Variants in TMEM229B observed in about 807,000 individuals in gnomAD.
TMEM229B encodes transmembrane protein 229B.
Under a neutral mutation model 13.7 loss-of-function variants are expected in TMEM229B, and 6 were observed. That is an observed-to-expected ratio of 0.44 (90% CI 0.24 to 0.86). The LOEUF (loss-of-function observed/expected upper bound fraction) is 0.86. Among genes scored for constraint, TMEM229B ranks in the 40% least tolerant of loss-of-function variants. TMEM229B has a pLI of 0.23. For synonymous variants in TMEM229B, 107 were observed against 102.1 expected (o/e 1.05, Z -0.29); for missense variants, 170 against 236.0 (o/e 0.72, Z 1.83).
chr14:67,511,220 G>C (rs998550315), intron 1 of TMEM229B, among the ~76,000 whole-genome samples: 1 of 152,146 alleles, frequency 6.6e-6, no homozygotes, highest in Non-Finnish European at 1.5e-5. Context: ...AGTCAGAAGT[G>C]GATAATCCAG....
chr14:67,473,501 G>A lies in TMEM229B; in HGVS notation c.423C>T (p.Arg141=). Residue 141 remains arginine (R), a synonymous_variant, in exon 3 of 3, where the codon CGC becomes CGT. Transcript: ENST00000554480. This position sits in a 1 kb window ranked among gnomAD's most constrained non-coding sequence, Gnocchi z 6.5. The stretch of plus-strand genomic sequence containing the variant: ...GCTCAGCGTCCTTGTCGAAGCGGAG[G>A]CGGAGGGTGTTGCGGATGATGAACT... ...MEQFIIRNTL[R]LRFDKDAEPG... 6.2e-7 allele frequency: 1 copy of A among 1,614,206 alleles called. No homozygotes were observed. The highest frequency in any genetic ancestry group is 1.1e-5 in the South Asian group (1 of 91,090).
At chr14:67,511,338 G>T (rs1398113345) in intron 1 of TMEM229B, among the ~76,000 whole-genome samples, 1 of 124,756 alleles carries the variant, frequency 8.0e-6, no homozygotes, top group Admixed American at 9.2e-5. Flanking sequence ...GACAGCTGAA[G>T]TCTTATTTAA....
chr14:67,513,805 A>T (rs1052978078), intron 1 of TMEM229B, among the ~76,000 whole-genome samples: 1 of 152,192 alleles, frequency 6.6e-6, no homozygotes, highest in African/African-American at 2.4e-5. Context: ...CTGAGCTCCC[A>T]AAGGGCTATC....
rs1310924796 is a variant in TMEM229B, at chr14:67,473,994, T to C, written c.-18-53A>G. ...AGGGCCGGGCGCGGTGGCTCACGCC[T>C]ATAATCCCTGCGCTTTGGGAGGCCG... On this transcript the variant is annotated intron_variant, in intron 2 of 2. Transcript: ENST00000554480. The surrounding 1 kb of genome is among the most constrained non-coding windows in gnomAD (Gnocchi z 6.5). 2 of 1,484,504 alleles carry C rather than the reference T, an allele frequency of 1.3e-6. No homozygotes were observed. The highest frequency in any genetic ancestry group is 2.4e-5 in the East Asian group (1 of 41,346). The allele number at this position is 1,484,504 out of a possible 1,614,324, so 92.0% of individuals were successfully genotyped here.
intron 1 of TMEM229B, among the ~76,000 whole-genome samples, chr14:67,507,336 A>G (rs983782133): frequency 2.0e-5 from 3 of 152,018 alleles, no homozygotes; most frequent in Non-Finnish European, 4.4e-5. Context: ...GTGACAGAAC[A>G]ACATCCTGTC....
At chr14:67,481,445 TAGG>T (rs2031581833) in intron 2 of TMEM229B, among the ~76,000 whole-genome samples, 1 of 151,978 alleles carries the variant, frequency 6.6e-6, no homozygotes, top group African/African-American at 2.4e-5. Flanking sequence ...AGGGCAGAAC[TAGG>T]AGAACATAGC....
chr14:67,493,344 C>T (rs1161766313), upstream of TMEM229B, among the ~76,000 whole-genome samples: 1 of 152,202 alleles, frequency 6.6e-6, no homozygotes, highest in African/African-American at 2.4e-5. Context: ...ACCCTTGCCT[C>T]CTTTGATGAT....
chr14:67,484,519 C>A (rs1386208974), intron 2 of TMEM229B, among the ~76,000 whole-genome samples: 1 of 152,178 alleles, frequency 6.6e-6, no homozygotes, highest in African/African-American at 2.4e-5. Flanking sequence ...ACATAGAAAG[C>A]AAAAGTTCCC....
chr14:67,482,421 G>T (rs2140098558), intron 2 of TMEM229B, among the ~76,000 whole-genome samples: 1 of 152,346 alleles, frequency 6.6e-6, no homozygotes, highest in African/African-American at 2.4e-5. Flanking sequence ...TTTTTGTCCA[G>T]AGAAGCATCT....
intron 1 of TMEM229B, among the ~76,000 whole-genome samples, chr14:67,532,894 C>T (rs2033511731): frequency 1.3e-5 from 2 of 151,592 alleles, no homozygotes; most frequent in South Asian, 2.1e-4. Flanking sequence ...GAGGGTCCCC[C>T]GCTATTTGGG....
chr14:67,474,914 C>CTTTTTT (rs71129825), intron 2 of TMEM229B, among the ~76,000 whole-genome samples: 96 of 124,920 alleles, frequency 7.7e-4, no homozygotes, highest in African/African-American at 2.5e-3. Flanking sequence ...GAATTTCCTT[C>CTTTTTT]TTTTTTTTTT....
intron 1 of TMEM229B, among the ~76,000 whole-genome samples, chr14:67,514,539 C>T (rs2033135209): frequency 6.6e-6 from 1 of 152,062 alleles, no homozygotes; most frequent in South Asian, 2.1e-4. Flanking sequence ...TTTCCATGCA[C>T]CCTGGGGAGA....
Position 67,505,309 on chromosome 14 carries a change from G to C in TMEM229B, c.-192+9777C>G, listed in dbSNP as rs558215648. 3.3e-5 allele frequency among the ~76,000 whole-genome samples: 5 copies of C among 152,252 alleles called. No homozygotes were observed. In the East Asian group the frequency reaches 7.7e-4, roughly 24 times the overall value. ...GTCCCCATAGAAAACTGGCCCTCCT[G>C]TCAAGCTGGTGAGAGGGGAATTCAC... is the stretch of plus-strand genomic sequence containing the variant. On this transcript the variant is annotated intron_variant, in intron 1 of 2. Coordinates refer to the TMEM229B transcript ENST00000357461.
chr14:67,514,131 C>A (rs948198961), intron 1 of TMEM229B, among the ~76,000 whole-genome samples: 1 of 152,088 alleles, frequency 6.6e-6, no homozygotes, highest in Non-Finnish European at 1.5e-5. Context: ...CAGCAGAAAG[C>A]TGCCTGGGGT....
intron 1 of TMEM229B, among the ~76,000 whole-genome samples, chr14:67,520,892 C>T (rs1280109971): frequency 6.6e-6 from 1 of 152,230 alleles, no homozygotes; most frequent in Non-Finnish European, 1.5e-5. Context: ...AATTTCCAAA[C>T]TGTCTTCCAA....
At chr14:67,531,781 G>A (rs1464756879) in intron 1 of TMEM229B, among the ~76,000 whole-genome samples, 1 of 141,880 alleles carries the variant, frequency 7.0e-6, no homozygotes, top group South Asian at 2.3e-4. Context: ...AGTAGCATGT[G>A]CCTATAGTCC....
intron 1 of TMEM229B, among the ~76,000 whole-genome samples, chr14:67,532,697 G>A (rs2033504353): frequency 6.6e-6 from 1 of 152,186 alleles, no homozygotes; most frequent in Non-Finnish European, 1.5e-5. Flanking sequence ...AAGCAAGTAA[G>A]TTACTCTCTG....
At chr14:67,525,212 A>C (rs2033348412) in intron 1 of TMEM229B, among the ~76,000 whole-genome samples, 1 of 152,130 alleles carries the variant, frequency 6.6e-6, no homozygotes, top group African/African-American at 2.4e-5. Context: ...AAATAATTCT[A>C]CCCATATTTA....
rs138417489 is a variant in TMEM229B at position 67,529,713 on chromosome 14, T to C, written c.-192+3923A>G. Among the ~76,000 whole-genome samples, 66 of 152,318 alleles carry C rather than the reference T, an allele frequency of 4.3e-4. 2 individuals carry two copies. The highest frequency in any genetic ancestry group is 1.5e-3 in the African/African-American group (62 of 41,572). On this transcript the variant is annotated intron_variant, in intron 1 of 2. Coordinates refer to the TMEM229B transcript ENST00000554278. ...TAACCCATGGTTACCTCACCTCTCA[T>C]GTCCCATGGTGGCTAATCCTGACAA...
Sources: gnomAD v4.1 joint callset for allele counts (sites outside exome capture counted in the v4.1 genomes callset) on GRCh38, gnomAD v4.1.1 for gene constraint, Gnocchi (gnomAD v3.1) non-coding constraint, MANE v1.5 for transcripts, NCBI Gene and HGNC (gene_info 2026-07-23, HGNC 2026-07-21) for gene names.